The following SCFD2 variants were observed in gnomAD, a reference collection of about 807,000 sequenced individuals.
SCFD2 encodes the protein sec1 family domain-containing protein 2.
In SCFD2, 54 loss-of-function variants were observed where a neutral mutation model predicts 58.9. That is an observed-to-expected ratio of 0.92 (90% CI 0.74 to 1.15). The LOEUF (loss-of-function observed/expected upper bound fraction) is 1.15, where lower values mean the gene tolerates loss of function less well. Among genes scored for constraint, SCFD2 ranks in the 50% most tolerant of loss-of-function variants. The pLI is 0.00. For missense variants in SCFD2, 805 were observed against 836.6 expected, an observed-to-expected ratio of 0.96 and a Z score of 0.47; for synonymous variants, 321 against 335.9, an observed-to-expected ratio of 0.96 and a Z score of 0.49.
chr4:53,023,394 T>G (rs1028974987), intron 5 of SCFD2, among the ~76,000 whole-genome samples: 3 of 152,122 alleles, frequency 2.0e-5, no homozygotes, highest in African/African-American at 7.2e-5. Context: ...TGAACCCATG[T>G]GAACCTGGCC....
intron 5 of SCFD2, among the ~76,000 whole-genome samples, chr4:53,045,369 T>C (rs1021780482): frequency 9.9e-5 from 15 of 152,174 alleles, no homozygotes; most frequent in Non-Finnish European, 2.1e-4. Flanking sequence ...AATTTGTAAA[T>C]GCAATTTGTG....
intron 5 of SCFD2, among the ~76,000 whole-genome samples, chr4:53,007,741 T>C (rs1007762789): frequency 2.6e-5 from 4 of 152,210 alleles, no homozygotes; most frequent in Non-Finnish European, 4.4e-5. Flanking sequence ...AGGCTGCCAA[T>C]TGGCAACCTC....
chr4:52,930,050 C>T (rs954345454), intron 5 of SCFD2, among the ~76,000 whole-genome samples: 2 of 152,084 alleles, frequency 1.3e-5, no homozygotes, highest in East Asian at 1.9e-4. Flanking sequence ...ATAGCCAAGA[C>T]GATACTAAGC....
intron 3 of SCFD2, among the ~76,000 whole-genome samples, chr4:53,296,691 C>T (rs1322643642): frequency 6.6e-6 from 1 of 151,932 alleles, no homozygotes; most frequent in African/African-American, 2.4e-5. Context: ...CTTTGAATTT[C>T]TTTGCTCCTG....
chr4:53,346,004 A>G (rs1256721945), intron 2 of SCFD2, among the ~76,000 whole-genome samples: 1 of 152,144 alleles, frequency 6.6e-6, no homozygotes, highest in African/African-American at 2.4e-5. Flanking sequence ...AACGTAAATG[A>G]CGAGTTGATG....
intron 4 of SCFD2, among the ~76,000 whole-genome samples, chr4:53,258,424 T>A (rs1730715845): frequency 6.6e-6 from 1 of 151,652 alleles, no homozygotes; most frequent in African/African-American, 2.4e-5. Flanking sequence ...GATGTTTGGT[T>A]TTCCATTCCT....
rs139318625 is a variant in SCFD2, at chr4:53,282,512, TC to T, written c.1136-8512del. 9.2e-3 allele frequency among the ~76,000 whole-genome samples: 1,395 copies of T among 152,172 alleles called. 22 individuals are homozygous for T. The highest frequency in any genetic ancestry group is 0.032 in the African/African-American group (1,316 of 41,528). On this transcript the variant is annotated intron_variant, in intron 3 of 8. Transcript: ENST00000401642. The stretch of plus-strand genomic sequence containing the variant: ...AGATAGAACTTACATACTATAAAAT[TC>T]CCCCCTTAAAGTATACAATTCAGTG...
chr4:53,251,370 CT>C (rs1181007918), intron 4 of SCFD2, among the ~76,000 whole-genome samples: 2 of 152,152 alleles, frequency 1.3e-5, no homozygotes, highest in Non-Finnish European at 2.9e-5. Flanking sequence ...GGAATCCTCC[CT>C]AACTCATTTT....
At chr4:53,240,102 C>T (rs538520515) in intron 4 of SCFD2, among the ~76,000 whole-genome samples, 95 of 152,198 alleles carry the variant, frequency 6.2e-4, no homozygotes, top group Non-Finnish European at 1.2e-3. Flanking sequence ...TTGTCATACT[C>T]AGGGCCAGTG....
At chr4:53,085,585 T>C (rs1357187538) in intron 5 of SCFD2, among the ~76,000 whole-genome samples, 1 of 152,200 alleles carries the variant, frequency 6.6e-6, no homozygotes, top group African/African-American at 2.4e-5. Context: ...AAAGCTATTC[T>C]GTGCAAAAAT....
chr4:52,995,693 T>C (rs1418996982), intron 5 of SCFD2, among the ~76,000 whole-genome samples: 1 of 152,190 alleles, frequency 6.6e-6, no homozygotes, highest in African/African-American at 2.4e-5. Flanking sequence ...AAACCTTTCC[T>C]GACACCATCA....
chr4:53,000,285 G>GC (rs1162278504), intron 5 of SCFD2, among the ~76,000 whole-genome samples: 2 of 152,166 alleles, frequency 1.3e-5, no homozygotes, highest in African/African-American at 4.8e-5. Context: ...TCTGTTGGAG[G>GC]CCCCAAACAG....
chr4:53,040,234 T>C (rs1164393961), intron 5 of SCFD2, among the ~76,000 whole-genome samples: 1 of 152,166 alleles, frequency 6.6e-6, no homozygotes, highest in African/African-American at 2.4e-5. Context: ...AATGAAGCAA[T>C]ATATCTTTAT....
At chr4:53,323,064 A>G (rs1281075907) in intron 2 of SCFD2, among the ~76,000 whole-genome samples, 1 of 152,252 alleles carries the variant, frequency 6.6e-6, no homozygotes, top group Non-Finnish European at 1.5e-5. Flanking sequence ...TCCAGTATCT[A>G]TCACTTTGGT....
At chr4:53,139,015 T>C (rs1726027631) in intron 5 of SCFD2, among the ~76,000 whole-genome samples, 1 of 152,140 alleles carries the variant, frequency 6.6e-6, no homozygotes, top group African/African-American at 2.4e-5. Context: ...GGATTGCAGG[T>C]GCGCGCCGCC....
chr4:53,182,189 T>C (rs1727585260), intron 4 of SCFD2, among the ~76,000 whole-genome samples: 1 of 152,128 alleles, frequency 6.6e-6, no homozygotes, highest in South Asian at 2.1e-4. Context: ...GAGCCCACAC[T>C]GCCAAGTCAA....
At chr4:53,251,484 A>G (rs1018619500) in intron 4 of SCFD2, among the ~76,000 whole-genome samples, 4 of 152,222 alleles carry the variant, frequency 2.6e-5, no homozygotes, top group Admixed American at 6.5e-5. Context: ...AAAATCCTCA[A>G]TAAAATACTG....
At chr4:53,128,644 C>A (rs1725702384) in intron 5 of SCFD2, among the ~76,000 whole-genome samples, 1 of 152,064 alleles carries the variant, frequency 6.6e-6, no homozygotes, top group Non-Finnish European at 1.5e-5. Context: ...AATAAAGATA[C>A]ATTTACAGAA....
chr4:52,882,127 A>T (rs1374027967), intron 8 of SCFD2, among the ~76,000 whole-genome samples: 2 of 152,134 alleles, frequency 1.3e-5, no homozygotes, highest in Non-Finnish European at 2.9e-5. Flanking sequence ...GGGGTTGAGG[A>T]GAGCTGCAAC....
Sources: gnomAD v4.1 joint callset for allele counts (sites outside exome capture counted in the v4.1 genomes callset) on GRCh38, gnomAD v4.1.1 for gene constraint, MANE v1.5 for transcripts, NCBI Gene and HGNC (gene_info 2026-07-23, HGNC 2026-07-21) for gene names.